The following CLIP2 variants were observed in gnomAD, a reference collection of about 807,000 sequenced individuals.
CLIP2 encodes the protein CAP-Gly domain containing linker protein 2.
A neutral mutation model predicts 111.7 loss-of-function variants in CLIP2; 41 were observed. The observed-to-expected ratio is 0.37, with a 90% CI of 0.29 to 0.48. The LOEUF (loss-of-function observed/expected upper bound fraction) is 0.48, where lower values mean the gene tolerates loss of function less well. Among genes scored for constraint, CLIP2 ranks in the 20% least tolerant of loss-of-function variants. The probability of loss-of-function intolerance (pLI) is 0.99; values close to 1 mark genes in which losing one functional copy is unlikely to be tolerated. For missense variants in CLIP2, 1,160 were observed against 1,422.1 expected (o/e 0.82, Z 2.96); for synonymous variants, 660 against 644.2 (o/e 1.02, Z -0.37).
intron 1 of CLIP2, among the ~76,000 whole-genome samples, chr7:74,302,160 G>T (rs1191593015): frequency 6.6e-6 from 1 of 152,034 alleles, no homozygotes; most frequent in Non-Finnish European, 1.5e-5. Context: ...GGGCCCTGTG[G>T]TCCCTCAGGC....
Position 74,296,682 on chromosome 7 carries a change from G to A in CLIP2, c.-68+6948G>A, listed in dbSNP as rs546750046. ...TGTGCACCTATAGTCCCAGCTACTCGGGAGGCTGAGGCAGGAGAATTGCTT... is the reference window on the plus strand; with the variant it reads ...TGTGCACCTATAGTCCCAGCTACTCAGGAGGCTGAGGCAGGAGAATTGCTT... On this transcript the variant is annotated intron_variant, in intron 1 of 16. Transcript: ENST00000223398. 1.7e-4 allele frequency among the ~76,000 whole-genome samples: 26 copies of A among 151,662 alleles called. 2 individuals are homozygous for A. In the South Asian group the frequency reaches 2.7e-3, roughly 16 times the overall value.
At position 74,404,158 on chromosome 7, in the gene CLIP2, C is replaced by T; in HGVS notation, c.*310C>T. On this transcript the variant is annotated 3_prime_UTR_variant, in exon 17 of 17. Transcript: ENST00000223398. ...AGGCAGAGGGGATCCGGCCAGGCCC[C>T]TCTGTCCAGAAGGAGCTGCCCTGAG... 1 of 416,512 alleles carries T rather than the reference C, an allele frequency of 2.4e-6. No individual in the cohort carries two copies. Among genetic ancestry groups the T allele is most frequent in the Non-Finnish European group, 4.5e-6 (1 of 221,586 alleles). The allele number at this position is 416,512 out of a possible 1,614,324, so 25.8% of individuals were successfully genotyped here.
intron 1 of CLIP2, among the ~76,000 whole-genome samples, chr7:74,300,064 G>A (rs1265951541): frequency 2.0e-5 from 3 of 151,128 alleles, no homozygotes; most frequent in African/African-American, 7.3e-5. Flanking sequence ...TCAGCTCACT[G>A]CAACCTCCGC....
At chr7:74,375,864 C>T (rs571652503) in intron 9 of CLIP2, 23 bp from the exon 10 acceptor site, 3 of 1,483,602 alleles carry the variant, frequency 2.0e-6, no homozygotes, top group Non-Finnish European at 2.7e-6. Context: ...CCCGCTGATC[C>T]CTGTCTCCCT....
chr7:74,357,545 G>A (rs1554308741), intron 6 of CLIP2, 68 bp downstream of exon 6: 5 of 1,457,748 alleles, frequency 3.4e-6, no homozygotes, highest in Middle Eastern at 2.1e-4. Context: ...CCCACTCAGA[G>A]CGGAGACCCT....
At chr7:74,325,486 G>A (rs538493753) in intron 2 of CLIP2, among the ~76,000 whole-genome samples, 56 of 152,092 alleles carry the variant, frequency 3.7e-4, no homozygotes, top group Non-Finnish European at 6.9e-4. Context: ...AGCAGGAGTC[G>A]CCCCAGCTGC....
Position 74,376,660 on chromosome 7 carries a change from G to T in CLIP2, c.2259G>T (p.Lys753Asn). ...AGGCGCAGGCTATCGAGTTCCTCAAGGAGCAGATCTCGCTGGCCGAGAAGA... is the reference window on the plus strand; with the variant it reads ...AGGCGCAGGCTATCGAGTTCCTCAATGAGCAGATCTCGCTGGCCGAGAAGA... ...RGQAQAIEFL[K>N]EQISLAEKKM... The change falls in exon 10 of 17, where the codon AAG becomes AAT. Residue 753 changes from lysine to asparagine, a missense_variant. Transcript: ENST00000223398. The surrounding 1 kb of genome is among the most constrained non-coding windows in gnomAD (Gnocchi z 7.1). 6.2e-7 allele frequency: 1 copy of T among 1,613,506 alleles called. No individual in the cohort carries two copies. Among genetic ancestry groups the T allele is most frequent in the Non-Finnish European group, 8.5e-7 (1 of 1,179,908 alleles).
At chr7:74,334,818 A>C (rs1789402671) in intron 2 of CLIP2, among the ~76,000 whole-genome samples, 1 of 83,866 alleles carries the variant, frequency 1.2e-5, no homozygotes, top group Non-Finnish European at 3.4e-5. Flanking sequence ...GTCTCTAATA[A>C]AATACAAAAA....
At position 74,352,698 on chromosome 7, in the gene CLIP2, C is replaced by CAAAA. The variant is rs56250956; in HGVS notation, c.679-1170_679-1167dup. ...TGAGGTAGGAGAATCAACACTGTCT[C>CAAAA]AAAAAAAAAAAAAAATTTTTAGATA... On this transcript the variant is annotated intron_variant, in intron 3 of 16. Coordinates refer to ENST00000223398, the MANE Select transcript of CLIP2 (RefSeq NM_003388.5). 3.7e-3 allele frequency among the ~76,000 whole-genome samples: 494 copies of CAAAA among 132,004 alleles called. 8 individuals carry two copies. The highest frequency in any genetic ancestry group is 8.2e-3 in the Middle Eastern group (2 of 244). The allele number at this position is 132,004 out of a possible 152,430, so 86.6% of individuals were successfully genotyped here.
intron 2 of CLIP2, among the ~76,000 whole-genome samples, chr7:74,336,804 C>T (rs1477500297): frequency 2.0e-5 from 3 of 150,910 alleles, no homozygotes; most frequent in Admixed American, 2.0e-4. Flanking sequence ...GTATGTTAAG[C>T]TCTTAGCACA....
At chr7:74,316,843 T>C (rs562846426) in intron 1 of CLIP2, among the ~76,000 whole-genome samples, 1 of 151,912 alleles carries the variant, frequency 6.6e-6, no homozygotes, top group South Asian at 2.1e-4. Flanking sequence ...ATTACAGGCA[T>C]CAGCCACTGC....
intron 2 of CLIP2, among the ~76,000 whole-genome samples, chr7:74,332,744 G>A (rs188056019): frequency 6.6e-6 from 1 of 152,226 alleles, no homozygotes; most frequent in East Asian, 1.9e-4. Context: ...CCGCTCCCCC[G>A]GGTACCACAT....
In CLIP2 at chr7:74,376,820, C is replaced by G. The variant is rs1161563971; in HGVS notation, c.2419C>G (p.His807Asp). ...GGCCCTGTGCTCCTCCCAGCACACC[C>G]ACGTAGGCGCCTGCCCCTCCTGCTG... is the stretch of plus-strand genomic sequence containing the variant. ...VEALCSSQHT[H>D]MIESNDISEE... The change falls in exon 10 of 17, where the codon CAC becomes GAC. Residue 807 changes from histidine (H) to aspartate (D), a missense_variant and splice_region_variant. This residue lies in a region of CLIP2 where 676 missense variants were observed against 777.8 expected (regional missense o/e 0.87). Coordinates refer to ENST00000223398, the MANE Select transcript of CLIP2 (RefSeq NM_003388.5). This position sits in a 1 kb window ranked among gnomAD's most constrained non-coding sequence, Gnocchi z 7.1. 1 of 1,576,422 alleles carries G rather than the reference C, an allele frequency of 6.3e-7. No individual in the cohort carries two copies. The highest frequency in any genetic ancestry group is 2.3e-5 in the East Asian group (1 of 43,714).
intron 10 of CLIP2, among the ~76,000 whole-genome samples, chr7:74,377,222 C>T (rs1250109896): frequency 1.3e-5 from 2 of 152,162 alleles, no homozygotes; most frequent in African/African-American, 4.8e-5. Context: ...CTGCCTATCC[C>T]CCTGGGGGCA....
chr7:74,356,443 C>T lies in CLIP2; in HGVS notation c.837C>T (p.Phe279=), dbSNP rs147879287. The T allele has an allele frequency of 3.0e-5, 49 of 1,614,064 alleles. No individual in the cohort carries two copies. Among genetic ancestry groups the T allele is most frequent in the Admixed American group, 1.2e-4 (7 of 59,992 alleles). ...AGTGCCCACCCAAGTTTGGTCTCTT[C>T]GCGCCCATCCACAAAGTGATCCGTA... ...YFQCPPKFGL[F]APIHKVIRIG... Residue 279 remains phenylalanine (F), a synonymous_variant, in exon 5 of 17, where the codon TTC becomes TTT. Coordinates refer to ENST00000223398, the MANE Select transcript of CLIP2 (RefSeq NM_003388.5).
Position 74,394,245 on chromosome 7 carries a change from A to C in CLIP2, c.2721-2829A>C, listed in dbSNP as rs12537533. On this transcript the variant is annotated intron_variant, in intron 13 of 16. Coordinates refer to ENST00000223398, the MANE Select transcript of CLIP2 (RefSeq NM_003388.5). ...TCTGGGATACCTTCTTTTTCTTCTT[A>C]TTTTTTTTTTTTTTTTTTTTTTGAG... Among the ~76,000 whole-genome samples, 886 of 117,320 alleles carry C rather than the reference A, an allele frequency of 7.6e-3. 23 individuals are homozygous for C. Among genetic ancestry groups the C allele is most frequent in the East Asian group, 0.011 (46 of 4,312 alleles). The allele number at this position is 117,320 out of a possible 152,430, so 77.0% of individuals were successfully genotyped here.
chr7:74,306,108 C>G (rs1788480720), intron 1 of CLIP2, among the ~76,000 whole-genome samples: 1 of 152,086 alleles, frequency 6.6e-6, no homozygotes, highest in South Asian at 2.1e-4. Context: ...GGTCAGTTTC[C>G]TTTGCGGGAT....
At chr7:74,292,202 G>A (rs997213886) in intron 1 of CLIP2, among the ~76,000 whole-genome samples, 9 of 152,000 alleles carry the variant, frequency 5.9e-5, no homozygotes, top group Non-Finnish European at 8.8e-5. Context: ...TATTACAGGC[G>A]TGAGCCACTG....
chr7:74,369,845 ACT>A (rs1279058952), intron 8 of CLIP2, among the ~76,000 whole-genome samples: 5 of 27,654 alleles, frequency 1.8e-4, no homozygotes, highest in African/African-American at 6.0e-4. Flanking sequence ...ACAGAGCGAG[ACT>A]CTGCCTCAAA....
Sources: gnomAD v4.1 joint callset for allele counts (sites outside exome capture counted in the v4.1 genomes callset) on GRCh38, gnomAD v4.1.1 for gene constraint, gnomAD v4.1.1 regional missense constraint, Gnocchi (gnomAD v3.1) non-coding constraint, MANE v1.5 for transcripts, NCBI Gene and HGNC (gene_info 2026-07-23, HGNC 2026-07-21) for gene names.